Variants in SH3PXD2A observed in about 807,000 individuals in gnomAD.
SH3PXD2A encodes the protein SH3 and PX domain-containing protein 2A.
In SH3PXD2A, 32 loss-of-function variants were observed where a neutral mutation model predicts 115.2. The ratio of observed to expected loss-of-function variants is 0.28; its 90% confidence interval spans 0.21 to 0.37. The LOEUF (loss-of-function observed/expected upper bound fraction) is 0.37. Among genes scored for constraint, SH3PXD2A ranks in the 10% least tolerant of loss-of-function variants. SH3PXD2A has a pLI of 1.00. For missense variants in SH3PXD2A, 1,328 were observed against 1,498.7 expected (o/e 0.89, Z 1.88); for synonymous variants, 610 against 629.1 (o/e 0.97, Z 0.45).
chr10:103,748,649 G>A (rs2038537042), intron 3 of SH3PXD2A, among the ~76,000 whole-genome samples: 1 of 152,216 alleles, frequency 6.6e-6, no homozygotes, highest in Admixed American at 6.5e-5. Context: ...AAAGGGAAGC[G>A]GGAAGAGTGT....
At chr10:103,707,962 C>G (rs892723939) in intron 5 of SH3PXD2A, among the ~76,000 whole-genome samples, 1 of 152,174 alleles carries the variant, frequency 6.6e-6, no homozygotes, top group African/African-American at 2.4e-5. Context: ...CCTCAGCACC[C>G]AAGTTCACTT....
chr10:103,808,250 T>A (rs1299070911), intron 1 of SH3PXD2A, among the ~76,000 whole-genome samples: 3 of 148,216 alleles, frequency 2.0e-5, no homozygotes, highest in Admixed American at 6.7e-5. Flanking sequence ...AGACCCCTCT[T>A]TTTTTTTCTT....
In SH3PXD2A at chr10:103,855,228, G is replaced by C; in HGVS notation, c.39C>G (p.Asp13Glu). 6.5e-7 allele frequency: 1 copy of C among 1,538,648 alleles called. No homozygotes were observed. Among genetic ancestry groups the C allele is most frequent in the Non-Finnish European group, 8.8e-7 (1 of 1,140,844 alleles). Reference sequence around the variant, plus strand: ...TGGAGGGGTTCCTCCGCTTCTCCACGTCCACCACGGTGGCATCCTGCACGC... The same window carrying C: ...TGGAGGGGTTCCTCCGCTTCTCCACCTCCACCACGGTGGCATCCTGCACGC... ...AYCVQDATVV[D>E]VEKRRNPSKH... Residue 13 changes from aspartate (D) to glutamate (E), a missense_variant, in exon 1 of 15, where the codon GAC (aspartate) becomes GAG (glutamate). This residue lies in a region of SH3PXD2A where 110 missense variants were observed against 160.0 expected (regional missense o/e 0.69). Transcript: ENST00000369774.
chr10:103,728,760 C>T (rs751181701), intron 4 of SH3PXD2A, among the ~76,000 whole-genome samples: 9 of 152,174 alleles, frequency 5.9e-5, no homozygotes, highest in Non-Finnish European at 1.2e-4. Flanking sequence ...TTAATCAGCA[C>T]ATCAACTCTA....
intron 8 of SH3PXD2A, among the ~76,000 whole-genome samples, chr10:103,644,464 G>C (rs1375672713): frequency 6.6e-6 from 1 of 151,854 alleles, no homozygotes; most frequent in Non-Finnish European, 1.5e-5. Context: ...GTACGCACCT[G>C]TGGTCCCAGC....
intron 2 of SH3PXD2A, among the ~76,000 whole-genome samples, chr10:103,770,874 A>G (rs2038811501): frequency 6.6e-6 from 1 of 152,198 alleles, no homozygotes; most frequent in Admixed American, 6.5e-5. Context: ...CCCCTTGTTC[A>G]CATGTCTACG....
intron 5 of SH3PXD2A, among the ~76,000 whole-genome samples, chr10:103,714,206 G>A (rs1184532821): frequency 2.0e-5 from 3 of 152,166 alleles, no homozygotes; most frequent in African/African-American, 4.8e-5. Flanking sequence ...TACCCCTTCC[G>A]CCAGAGGCTC....
At chr10:103,849,372 C>T (rs368134384) in intron 1 of SH3PXD2A, among the ~76,000 whole-genome samples, 7 of 152,354 alleles carry the variant, frequency 4.6e-5, no homozygotes, top group Admixed American at 6.5e-5. Flanking sequence ...AGTAAAATCG[C>T]CTCTAAAGGC....
At chr10:103,821,408 C>T (rs777445089) in intron 1 of SH3PXD2A, among the ~76,000 whole-genome samples, 7 of 152,166 alleles carry the variant, frequency 4.6e-5, no homozygotes, top group Admixed American at 6.5e-5. Flanking sequence ...CGATTACAGG[C>T]GTGAGCCACC....
chr10:103,702,596 C>CGTGCGTGTGTGTGT (rs1554913268), intron 5 of SH3PXD2A, among the ~76,000 whole-genome samples: 2 of 147,448 alleles, frequency 1.4e-5, no homozygotes, highest in Non-Finnish European at 3.0e-5. Flanking sequence ...TGTGTGTGTG[C>CGTGCGTGTGTGTGT]GTGTGTGTGT....
At chr10:103,821,375 T>C (rs2039378124) in intron 1 of SH3PXD2A, among the ~76,000 whole-genome samples, 1 of 152,180 alleles carries the variant, frequency 6.6e-6, no homozygotes, top group African/African-American at 2.4e-5. Context: ...GTGATCCGTC[T>C]GCCTCAGCCT....
chr10:103,631,889 G>A (rs2036785470), intron 8 of SH3PXD2A, among the ~76,000 whole-genome samples: 1 of 152,094 alleles, frequency 6.6e-6, no homozygotes, highest in Non-Finnish European at 1.5e-5. Context: ...AGGTCAAGGT[G>A]GGAGGACTGC....
intron 10 of SH3PXD2A, among the ~76,000 whole-genome samples, chr10:103,617,728 C>T (rs1341374222): frequency 6.6e-6 from 1 of 152,286 alleles, no homozygotes; most frequent in Non-Finnish European, 1.5e-5. Context: ...CACGGCATAC[C>T]GCTTTTCCTC....
chr10:103,695,386 T>C (rs773139278), intron 5 of SH3PXD2A, among the ~76,000 whole-genome samples: 4 of 152,034 alleles, frequency 2.6e-5, no homozygotes, highest in African/African-American at 4.8e-5. Context: ...CAAGCACTTG[T>C]ACTCCCAGCC....
At chr10:103,836,867 A>C (rs534434228) in intron 1 of SH3PXD2A, among the ~76,000 whole-genome samples, 30 of 152,246 alleles carry the variant, frequency 2.0e-4, no homozygotes, top group Non-Finnish European at 3.8e-4. Flanking sequence ...TTTACTACAA[A>C]CAAGCAGAGC....
chr10:103,779,650 G>A (rs1221524096), intron 2 of SH3PXD2A, among the ~76,000 whole-genome samples: 2 of 152,174 alleles, frequency 1.3e-5, no homozygotes, highest in East Asian at 1.9e-4. Flanking sequence ...TACAGAGGAC[G>A]GAGAGTGGTG....
At chr10:103,818,580 A>T (rs185357370) in intron 1 of SH3PXD2A, among the ~76,000 whole-genome samples, 47 of 152,338 alleles carry the variant, frequency 3.1e-4, no homozygotes, top group African/African-American at 1.1e-3. Flanking sequence ...CCTGATGTGC[A>T]GGAAAAATTT....
intron 3 of SH3PXD2A, among the ~76,000 whole-genome samples, chr10:103,753,266 G>A (rs2038599696): frequency 1.4e-5 from 2 of 144,302 alleles, no homozygotes; most frequent in South Asian, 2.2e-4. Context: ...GATCACTTGA[G>A]GTCAAGAGTT....
intron 2 of SH3PXD2A, among the ~76,000 whole-genome samples, chr10:103,800,428 A>G (rs2039136314): frequency 6.6e-6 from 1 of 152,224 alleles, no homozygotes; most frequent in South Asian, 2.1e-4. Context: ...AGAGCTGCTG[A>G]CAGCCATATT....
Sources: gnomAD v4.1 joint callset for allele counts (sites outside exome capture counted in the v4.1 genomes callset) on GRCh38, gnomAD v4.1.1 for gene constraint, gnomAD v4.1.1 regional missense constraint, MANE v1.5 for transcripts, NCBI Gene and HGNC (gene_info 2026-07-23, HGNC 2026-07-21) for gene names.